The following WWOX variants were observed in gnomAD, a reference collection of about 807,000 sequenced individuals.
WWOX encodes WW domain containing oxidoreductase, also known as WW domain-containing oxidoreductase.
A neutral mutation model predicts 46.2 loss-of-function variants in WWOX; 69 were observed. That is an observed-to-expected ratio of 1.49 (90% CI 1.23 to 1.82). WWOX has a LOEUF of 1.82. Among genes scored for constraint, WWOX ranks in the 40% most tolerant of loss-of-function variants. WWOX has a pLI of 0.00. For missense variants in WWOX, 919 were observed against 542.6 expected (o/e 1.69, Z -6.89); for synonymous variants, 359 against 202.6 (o/e 1.77, Z -6.56).
At chr16:78,780,171 C>T (rs1020106291) in intron 8 of WWOX, among the ~76,000 whole-genome samples, 1 of 152,180 alleles carries the variant, frequency 6.6e-6, no homozygotes, top group African/African-American at 2.4e-5. Context: ...ATCCCCTCCT[C>T]TCCAGCCCTC....
intron 8 of WWOX, among the ~76,000 whole-genome samples, chr16:78,518,332 A>G (rs1006581227): frequency 6.6e-6 from 1 of 152,094 alleles, no homozygotes; most frequent in African/African-American, 2.4e-5. Context: ...CCTGGGATCA[A>G]GTGATTCTCC....
intron 8 of WWOX, among the ~76,000 whole-genome samples, chr16:78,443,235 G>A (rs1454342183): frequency 1.3e-5 from 2 of 151,870 alleles, no homozygotes; most frequent in Non-Finnish European, 2.9e-5. Flanking sequence ...AACCTGGGAG[G>A]TGGAGGTTGC....
At chr16:78,516,182 G>C (rs966402325) in intron 8 of WWOX, among the ~76,000 whole-genome samples, 2 of 152,290 alleles carry the variant, frequency 1.3e-5, no homozygotes, top group Non-Finnish European at 1.5e-5. Flanking sequence ...GACCACAGCT[G>C]ACAGCGCCCC....
intron 8 of WWOX, among the ~76,000 whole-genome samples, chr16:78,919,170 A>G (rs553075041): frequency 1.3e-5 from 2 of 152,140 alleles, no homozygotes; most frequent in Non-Finnish European, 2.9e-5. Flanking sequence ...TTGAGTAACT[A>G]TTACATGCAT....
intron 8 of WWOX, among the ~76,000 whole-genome samples, chr16:78,470,385 A>T (rs2151434037): frequency 6.6e-6 from 1 of 152,276 alleles, no homozygotes; most frequent in East Asian, 1.9e-4. Context: ...ATTCTCATTT[A>T]CCTTTTCCCC....
In WWOX at chr16:78,444,751, C is replaced by T. The variant is rs142700308; in HGVS notation, c.1056+11999C>T. On this transcript the variant is annotated intron_variant, in intron 8 of 8. Transcript: ENST00000566780. ...TTCACGGTGTTAGCCAGGATGGTCTCGATCTCCTGACCTCATGATCCACCC... is the reference window on the plus strand; with the variant it reads ...TTCACGGTGTTAGCCAGGATGGTCTTGATCTCCTGACCTCATGATCCACCC... Among the ~76,000 whole-genome samples, 593 of 152,070 alleles carry T rather than the reference C, an allele frequency of 3.9e-3. 2 individuals carry two copies. Among genetic ancestry groups the T allele is most frequent in the African/African-American group, 0.013 (548 of 41,502 alleles).
chr16:78,953,882 T>C (rs1248012205), intron 8 of WWOX, among the ~76,000 whole-genome samples: 1 of 152,206 alleles, frequency 6.6e-6, no homozygotes, highest in African/African-American at 2.4e-5. Flanking sequence ...TTTGACACTT[T>C]TCACTTGCTG....
intron 5 of WWOX, among the ~76,000 whole-genome samples, chr16:78,300,891 G>T (rs781752419): frequency 1.7e-4 from 26 of 151,966 alleles, no homozygotes; most frequent in Admixed American, 3.3e-4. Context: ...AGTTGCTAAT[G>T]TTTTGCCATG....
intron 5 of WWOX, among the ~76,000 whole-genome samples, chr16:78,189,232 G>C (rs1026850865): frequency 6.6e-6 from 1 of 152,212 alleles, no homozygotes; most frequent in African/African-American, 2.4e-5. Context: ...ATTGTGACAA[G>C]TTAACAGCAA....
intron 8 of WWOX, among the ~76,000 whole-genome samples, chr16:78,610,897 C>G (rs1597345055): frequency 6.6e-6 from 1 of 151,946 alleles, no homozygotes; most frequent in African/African-American, 2.4e-5. Flanking sequence ...TGACAGGAAG[C>G]CTACAATTTC....
At chr16:79,004,576 G>C (rs894585485) in intron 8 of WWOX, 1 of 152,254 alleles carries the variant, frequency 6.6e-6, no homozygotes, top group African/African-American at 2.4e-5. Flanking sequence ...ATCCCTTCAG[G>C]CCTCTGGCTT....
At chr16:78,228,620 G>C (rs949899804) in intron 5 of WWOX, among the ~76,000 whole-genome samples, 1 of 152,206 alleles carries the variant, frequency 6.6e-6, no homozygotes, top group Non-Finnish European at 1.5e-5. Flanking sequence ...GGGATTACAG[G>C]TGTGAGCCAC....
At chr16:79,123,151 G>C (rs1107649) in intron 8 of WWOX, among the ~76,000 whole-genome samples, 20,123 of 152,102 alleles carry the variant, frequency 0.13, 2,067 homozygotes, top group African/African-American at 0.28. Context: ...AAGCAACAGA[G>C]TACCCACTAG....
rs111751662 is a variant in WWOX at position 78,360,304 on chromosome 16, G to C, written c.517-26556G>C. 2.6e-3 allele frequency among the ~76,000 whole-genome samples: 391 copies of C among 152,234 alleles called. 2 individuals carry two copies. The highest frequency in any genetic ancestry group is 9.2e-3 in the African/African-American group (381 of 41,544). On this transcript the variant is annotated intron_variant, in intron 5 of 8. Transcript: ENST00000566780. ...GACTCACATAGAAGTTGGAGAAGTA[G>C]GCTGGGCACAGTGGCTCATGCCTGT... is the stretch of plus-strand genomic sequence containing the variant.
intron 8 of WWOX, among the ~76,000 whole-genome samples, chr16:78,880,793 A>C (rs1488648095): frequency 6.6e-6 from 1 of 152,156 alleles, no homozygotes; most frequent in Non-Finnish European, 1.5e-5. Flanking sequence ...AAATGGAAAG[A>C]CAATGTGTTT....
chr16:78,844,830 G>A (rs947500068), intron 8 of WWOX, among the ~76,000 whole-genome samples: 23 of 152,270 alleles, frequency 1.5e-4, no homozygotes, highest in Admixed American at 9.2e-4. Context: ...CAGTGTCACC[G>A]TGTAAGCTGA....
chr16:78,909,611 C>T (rs1243761562), intron 8 of WWOX, among the ~76,000 whole-genome samples: 2 of 152,168 alleles, frequency 1.3e-5, no homozygotes, highest in Non-Finnish European at 2.9e-5. Context: ...GGAAATGATG[C>T]TCCTCTTAGA....
intron 6 of WWOX, among the ~76,000 whole-genome samples, chr16:78,406,303 A>AAT (rs532594425): frequency 0.022 from 1,281 of 57,430 alleles, 13 homozygotes; most frequent in Non-Finnish European, 0.037. Flanking sequence ...TATAAATATA[A>AAT]ATATATATAT....
chr16:78,868,260 T>A (rs915171098), intron 8 of WWOX, among the ~76,000 whole-genome samples: 7 of 152,142 alleles, frequency 4.6e-5, no homozygotes, highest in Non-Finnish European at 7.3e-5. Context: ...TTACGCTAAG[T>A]GAAGGAAGCC....
Sources: allele counts gnomAD v4.1 joint callset (sites outside exome capture counted in the v4.1 genomes callset), GRCh38; gene constraint gnomAD v4.1.1; transcripts MANE v1.5; gene names NCBI Gene and HGNC (gene_info 2026-07-23, HGNC 2026-07-21).